The following DNAAF11 variants were observed in gnomAD, a reference collection of about 807,000 sequenced individuals.
DNAAF11 encodes dynein axonemal assembly factor 11.
DNAAF11 carries 45 observed loss-of-function variants against 60.8 expected under a neutral mutation model. The observed-to-expected ratio is 0.74, with a 90% CI of 0.58 to 0.95. The LOEUF (loss-of-function observed/expected upper bound fraction) is 0.95. Ranked by LOEUF, DNAAF11 falls within the 40% of genes least tolerant of loss-of-function variation. The pLI is 0.00. For missense variants in DNAAF11, 546 were observed against 546.2 expected (o/e 1.00, Z 0.00); for synonymous variants, 191 against 183.5 (o/e 1.04, Z -0.33).
chr8:132,653,498 T>C (rs1215861069), intron 3 of DNAAF11, among the ~76,000 whole-genome samples: 1 of 152,052 alleles, frequency 6.6e-6, no homozygotes, highest in Admixed American at 6.5e-5. Flanking sequence ...TAAAAGACAA[T>C]ATAAATTTAT....
intron 8 of DNAAF11, among the ~76,000 whole-genome samples, chr8:132,613,072 G>C (rs1321921655): frequency 6.6e-6 from 1 of 152,232 alleles, no homozygotes; most frequent in Non-Finnish European, 1.5e-5. Flanking sequence ...ACGGCAGCTT[G>C]GGAAGCTGGA....
the DNAAF11 span, among the ~76,000 whole-genome samples, chr8:132,683,174 G>C: frequency 1.3e-5 from 2 of 152,138 alleles, no homozygotes. Flanking sequence ...AAATAAAAAA[G>C]GATCTTTTCT....
chr8:132,608,469 A>T (rs901825935), intron 10 of DNAAF11: 3 of 450,464 alleles, frequency 6.7e-6, no homozygotes, highest in African/African-American at 2.0e-5. Context: ...TTAAAAACAT[A>T]AAGGAAAAGG....
chr8:132,617,312 G>C (rs1324983428), intron 7 of DNAAF11, among the ~76,000 whole-genome samples: 1 of 152,056 alleles, frequency 6.6e-6, no homozygotes, highest in African/African-American at 2.4e-5. Context: ...AAATCAAAAG[G>C]ATCTGTCAAA....
intron 10 of DNAAF11, among the ~76,000 whole-genome samples, chr8:132,599,621 T>C (rs549815215): frequency 1.3e-5 from 2 of 152,264 alleles, no homozygotes; most frequent in East Asian, 3.9e-4. Flanking sequence ...TGGTTCAACA[T>C]ATGCAAATCA....
intron 4 of DNAAF11, among the ~76,000 whole-genome samples, chr8:132,636,842 T>G (rs529023217): frequency 6.6e-6 from 1 of 152,340 alleles, no homozygotes; most frequent in East Asian, 1.9e-4. Flanking sequence ...TGAGAAATTT[T>G]ACATTAGAAG....
chr8:132,613,262 C>A (rs1402503168), intron 8 of DNAAF11, among the ~76,000 whole-genome samples: 1 of 152,140 alleles, frequency 6.6e-6, no homozygotes, highest in Non-Finnish European at 1.5e-5. Context: ...ACACAAGAGC[C>A]AAGGTGGAAA....
At chr8:132,637,079 AAAT>A (rs1821375096) in intron 4 of DNAAF11, among the ~76,000 whole-genome samples, 1 of 152,206 alleles carries the variant, frequency 6.6e-6, no homozygotes, top group Non-Finnish European at 1.5e-5. Context: ...ATTTCTCAAG[AAAT>A]AATATTTTTT....
intron 11 of DNAAF11, among the ~76,000 whole-genome samples, chr8:132,574,434 G>A (rs1051110383): frequency 3.9e-5 from 6 of 152,204 alleles, no homozygotes; most frequent in African/African-American, 1.2e-4. Context: ...ACTAGGCAGA[G>A]GGTGCCTACC....
chr8:132,573,109 T>C (rs146698320), intron 11 of DNAAF11, among the ~76,000 whole-genome samples: 1 of 151,078 alleles, frequency 6.6e-6, no homozygotes, highest in Admixed American at 6.6e-5. Flanking sequence ...GATATAGATA[T>C]AGATACAGAT....
At chr8:132,700,486 G>A in the DNAAF11 span, among the ~76,000 whole-genome samples, 7 of 146,032 alleles carry the variant, frequency 4.8e-5, no homozygotes, top group South Asian at 1.5e-3. Context: ...AGGAGTTGAA[G>A]ACCAGCCTGG....
chr8:132,659,684 A>C (rs891264825), intron 2 of DNAAF11, among the ~76,000 whole-genome samples: 18 of 152,216 alleles, frequency 1.2e-4, no homozygotes, highest in African/African-American at 4.3e-4. Flanking sequence ...AATTTTAGTA[A>C]ATCTTCCAAA....
chr8:132,627,338 A>G (rs17663110), intron 5 of DNAAF11, among the ~76,000 whole-genome samples: 13,058 of 152,290 alleles, frequency 0.086, 725 homozygotes, highest in South Asian at 0.14. Context: ...TATGAGCTAA[A>G]TAACATAAGT....
intron 7 of DNAAF11, among the ~76,000 whole-genome samples, chr8:132,621,359 G>T (rs1819742685): frequency 6.6e-6 from 1 of 152,142 alleles, no homozygotes; most frequent in Admixed American, 6.5e-5. Flanking sequence ...GCGCCATTTG[G>T]GTATAAGATT....
At chr8:132,639,800 T>C (rs1206009771) in intron 3 of DNAAF11, among the ~76,000 whole-genome samples, 3 of 151,966 alleles carry the variant, frequency 2.0e-5, no homozygotes, top group Admixed American at 2.0e-4. Flanking sequence ...CATATAGGAG[T>C]TACAGGTTGC....
chr8:132,685,567 C>T, the DNAAF11 span, among the ~76,000 whole-genome samples: 1 of 152,172 alleles, frequency 6.6e-6, no homozygotes, highest in Admixed American at 6.5e-5. Flanking sequence ...CGTTGGCTGG[C>T]ATCTGCTAAA....
the DNAAF11 span, chr8:132,687,363 A>G: frequency 1.3e-4 from 38 of 284,784 alleles, no homozygotes; most frequent in South Asian, 8.2e-4. Flanking sequence ...GCATCAATGT[A>G]TAACACAGAA....
intron 11 of DNAAF11, among the ~76,000 whole-genome samples, chr8:132,580,859 T>C (rs918570535): frequency 6.6e-6 from 1 of 152,186 alleles, no homozygotes; most frequent in Non-Finnish European, 1.5e-5. Context: ...CTGAAATATA[T>C]GTGTAAGTGC....
intron 3 of DNAAF11, among the ~76,000 whole-genome samples, chr8:132,644,515 T>C (rs1401646751): frequency 3.3e-5 from 5 of 151,930 alleles, no homozygotes; most frequent in Non-Finnish European, 7.4e-5. Flanking sequence ...CACGGAGGAT[T>C]AGCCAAAGCA....
Sources: allele counts gnomAD v4.1 joint callset (sites outside exome capture counted in the v4.1 genomes callset), GRCh38; gene constraint gnomAD v4.1.1; transcripts MANE v1.5; gene names NCBI Gene and HGNC (gene_info 2026-07-23, HGNC 2026-07-21).